The following NTM variants were observed in gnomAD, a reference collection of about 807,000 sequenced individuals.
NTM encodes the protein IgLON family member 2.
A neutral mutation model predicts 42.1 loss-of-function variants in NTM; 13 were observed. The ratio of observed to expected loss-of-function variants is 0.31; its 90% confidence interval spans 0.20 to 0.49. The LOEUF (loss-of-function observed/expected upper bound fraction) is 0.49. Among genes scored for constraint, NTM ranks in the 20% least tolerant of loss-of-function variants. The pLI is 0.99. For missense variants in NTM, 373 were observed against 452.8 expected (o/e 0.82, Z 1.60); for synonymous variants, 187 against 179.2 (o/e 1.04, Z -0.35).
intron 1 of NTM, among the ~76,000 whole-genome samples, chr11:131,876,915 G>A (rs2048617189): frequency 6.6e-6 from 1 of 151,480 alleles, no homozygotes. Flanking sequence ...CTGGAGAGCA[G>A]TGGTGCCATC....
At chr11:132,147,935 C>T (rs1046632641) in intron 3 of NTM, among the ~76,000 whole-genome samples, 2 of 152,100 alleles carry the variant, frequency 1.3e-5, no homozygotes, top group Non-Finnish European at 2.9e-5. Flanking sequence ...GAACTTGGGT[C>T]GTGATCAGCA....
rs556606182 is a variant in NTM at position 132,242,668 on chromosome 11, G to C, written c.526+30521G>C. The stretch of plus-strand genomic sequence containing the variant: ...AAAGTAAAGCAAGAGCAGCCACAAA[G>C]TGTCTGAGATTCATGAGATCACTCC... On this transcript the variant is annotated intron_variant, in intron 4 of 8. Transcript: ENST00000683400. 1.9e-4 allele frequency among the ~76,000 whole-genome samples: 29 copies of C among 152,334 alleles called. No individual in the cohort carries two copies. In the South Asian group the frequency reaches 6.0e-3, roughly 32 times the overall value.
chr11:131,638,856 C>T (rs764003704), intron 1 of NTM, among the ~76,000 whole-genome samples: 24 of 150,578 alleles, frequency 1.6e-4, no homozygotes, highest in Non-Finnish European at 2.8e-4. Context: ...TCTCCCTGTA[C>T]ACCATATGAA....
At position 131,627,772 on chromosome 11, in the gene NTM, A is replaced by G. The variant is rs190077398; in HGVS notation, c.82+256884A>G. Among the ~76,000 whole-genome samples the G allele has an allele frequency of 2.9e-3, 436 of 152,254 alleles. 2 individuals carry two copies. Among genetic ancestry groups the G allele is most frequent in the African/African-American group, 9.9e-3 (411 of 41,548 alleles). The stretch of plus-strand genomic sequence containing the variant: ...CTTGACCCCAGGAGGTCAAGGCTGC[A>G]GTGAGCTATGATTGTACCACTGCAT... On this transcript the variant is annotated intron_variant, in intron 1 of 8. Transcript: ENST00000683400.
At chr11:131,820,752 T>C (rs1408044514) in intron 1 of NTM, among the ~76,000 whole-genome samples, 1 of 152,234 alleles carries the variant, frequency 6.6e-6, no homozygotes, top group Non-Finnish European at 1.5e-5. Context: ...TATTTCACGA[T>C]CTGAAAGTTT....
At position 132,071,160 on chromosome 11, in the gene NTM, A is replaced by G. The variant is rs2057585503; in HGVS notation, c.168-75122A>G. ...TCACACAGTCAAGTTAACACGTCAA[A>G]CTGACCATCACAGGTTAGTTAACAC... On this transcript the variant is annotated intron_variant, in intron 2 of 8. Coordinates refer to ENST00000683400, the MANE Select transcript of NTM (RefSeq NM_001352005.2). 7.0e-5 allele frequency among the ~76,000 whole-genome samples: 10 copies of G among 142,630 alleles called. No individual in the cohort carries two copies. The South Asian group carries it at 2.5e-3, about 35-fold the overall frequency. The allele number at this position is 142,630 out of a possible 152,430, so 93.6% of individuals were successfully genotyped here.
chr11:132,096,220 T>C (rs186328823), intron 2 of NTM, among the ~76,000 whole-genome samples: 2 of 152,212 alleles, frequency 1.3e-5, no homozygotes, highest in Non-Finnish European at 2.9e-5. Flanking sequence ...GACCTTTGAT[T>C]GCAAGGAGCA....
chr11:132,269,426 A>C (rs1354505822), intron 4 of NTM, among the ~76,000 whole-genome samples: 2 of 152,182 alleles, frequency 1.3e-5, no homozygotes, highest in African/African-American at 2.4e-5. Flanking sequence ...AAAATGGGCA[A>C]ATATTTCACT....
chr11:131,905,903 T>C (rs1321425445), intron 1 of NTM, among the ~76,000 whole-genome samples: 3 of 151,966 alleles, frequency 2.0e-5, no homozygotes, highest in South Asian at 4.2e-4. Flanking sequence ...TCTGGATAAG[T>C]GTAATGAGAC....
intron 2 of NTM, among the ~76,000 whole-genome samples, chr11:131,914,292 A>G (rs2055879163): frequency 6.6e-6 from 1 of 151,682 alleles, no homozygotes; most frequent in African/African-American, 2.4e-5. Flanking sequence ...CCTTCCTTCC[A>G]TCTATCTTTC....
At chr11:132,236,776 C>A (rs550745991) in intron 4 of NTM, among the ~76,000 whole-genome samples, 7 of 152,312 alleles carry the variant, frequency 4.6e-5, no homozygotes, top group African/African-American at 1.4e-4. Flanking sequence ...CCGTGGCAGT[C>A]TAATCTCCCG....
At chr11:131,852,144 C>T (rs143495320) in intron 1 of NTM, among the ~76,000 whole-genome samples, 1,871 of 152,172 alleles carry the variant, frequency 0.012, 8 homozygotes, top group Middle Eastern at 0.017. Flanking sequence ...CCTGCTGAGG[C>T]GGCTCCCATG....
chr11:131,770,091 G>A (rs2085806961), intron 1 of NTM, among the ~76,000 whole-genome samples: 1 of 152,170 alleles, frequency 6.6e-6, no homozygotes, highest in African/African-American at 2.4e-5. Context: ...CACTGACATA[G>A]GAGGGCTGAT....
chr11:131,659,676 T>C (rs572204341), intron 1 of NTM, among the ~76,000 whole-genome samples: 102 of 152,334 alleles, frequency 6.7e-4, no homozygotes, highest in Non-Finnish European at 1.3e-3. Flanking sequence ...CCTCGAACCC[T>C]CTCCAAGTCT....
chr11:132,226,032 G>T (rs1488320328), intron 4 of NTM, among the ~76,000 whole-genome samples: 2 of 152,134 alleles, frequency 1.3e-5, no homozygotes, highest in Non-Finnish European at 2.9e-5. Context: ...TCCCTACAAA[G>T]GACATGAACT....
At chr11:132,313,626 A>G (rs3099772) in intron 6 of NTM, among the ~76,000 whole-genome samples, 137,867 of 152,272 alleles carry the variant, frequency 0.91, 62,670 homozygotes, top group East Asian at 1. Context: ...AGTAGGTGGT[A>G]TCCATGATCG....
At chr11:131,435,877 G>C (rs981758341) in intron 1 of NTM, among the ~76,000 whole-genome samples, 7 of 152,164 alleles carry the variant, frequency 4.6e-5, no homozygotes, top group Non-Finnish European at 1.5e-5. Context: ...TTTTCAAAGG[G>C]AATGCTTCCA....
At chr11:131,604,485 TTCC>T (rs2060760207) in intron 1 of NTM, among the ~76,000 whole-genome samples, 1 of 152,102 alleles carries the variant, frequency 6.6e-6, no homozygotes, top group Non-Finnish European at 1.5e-5. Flanking sequence ...CTTCTTTCAC[TTCC>T]TCAATAGTGT....
intron 2 of NTM, among the ~76,000 whole-genome samples, chr11:131,915,603 A>G (rs748494943): frequency 1.3e-5 from 2 of 152,206 alleles, no homozygotes; most frequent in African/African-American, 2.4e-5. Flanking sequence ...AGGGGACTGT[A>G]TTAGTCCGTT....
Sources: allele counts gnomAD v4.1 joint callset (sites outside exome capture counted in the v4.1 genomes callset), GRCh38; gene constraint gnomAD v4.1.1; transcripts MANE v1.5; gene names NCBI Gene and HGNC (gene_info 2026-07-23, HGNC 2026-07-21).